PSD3: variants seen among roughly 807,000 people sequenced by gnomAD.
PSD3 encodes PH and SEC7 domain-containing protein 3.
In PSD3, 49 loss-of-function variants were observed where a neutral mutation model predicts 105.5. The ratio of observed to expected loss-of-function variants is 0.46; its 90% CI spans 0.37 to 0.59. PSD3 has a LOEUF of 0.59. Ranked by LOEUF, PSD3 falls within the 20% of genes least tolerant of loss-of-function variation. The pLI, the probability that PSD3 is intolerant of heterozygous loss-of-function variation, is 0.00. For missense variants in PSD3, 1,561 were observed against 1,263.8 expected (o/e 1.24, Z -3.57); for synonymous variants, 557 against 457.8 (o/e 1.22, Z -2.77).
chr8:18,788,095 T>C (rs1417082895), intron 8 of PSD3, among the ~76,000 whole-genome samples: 1 of 152,110 alleles, frequency 6.6e-6, no homozygotes, highest in East Asian at 1.9e-4. Flanking sequence ...TGCCTATGAG[T>C]CATAACTTGT....
At chr8:18,843,293 G>A (rs12550253) in intron 4 of PSD3, among the ~76,000 whole-genome samples, 63,632 of 150,140 alleles carry the variant, frequency 0.42, 13,971 homozygotes, top group Admixed American at 0.51. Flanking sequence ...CCCGGGAGGC[G>A]GAGCTTGCAG....
At chr8:18,842,217 A>G (rs1180491294) in intron 4 of PSD3, among the ~76,000 whole-genome samples, 1 of 152,262 alleles carries the variant, frequency 6.6e-6, no homozygotes, top group African/African-American at 2.4e-5. Flanking sequence ...CCAAAGCCAC[A>G]GCTACTCTAT....
intron 9 of PSD3, among the ~76,000 whole-genome samples, chr8:18,732,043 C>G (rs554524753): frequency 1.3e-5 from 2 of 152,102 alleles, no homozygotes; most frequent in African/African-American, 4.8e-5. Flanking sequence ...TTTTCTGTCT[C>G]TCATATACAA....
chr8:18,537,378 T>C (rs566964261), intron 15 of PSD3, among the ~76,000 whole-genome samples: 3 of 152,210 alleles, frequency 2.0e-5, no homozygotes, highest in Admixed American at 1.3e-4. Flanking sequence ...ATTACCTCCA[T>C]TGATATGAAA....
intron 1 of PSD3, among the ~76,000 whole-genome samples, chr8:18,964,250 A>C (rs1323925472): frequency 2.0e-5 from 3 of 152,094 alleles, no homozygotes; most frequent in African/African-American, 7.2e-5. Context: ...CAGCCATCCC[A>C]GTAGCTGGGA....
chr8:18,625,567 A>C (rs545865716), intron 11 of PSD3, among the ~76,000 whole-genome samples: 1 of 152,342 alleles, frequency 6.6e-6, no homozygotes, highest in East Asian at 1.9e-4. Context: ...ACCTCCAGTT[A>C]TCTAAATACA....
chr8:18,575,199 C>T lies in PSD3; in HGVS notation c.2568G>A (p.Thr856=), dbSNP rs1402682430. ...SVHHALASKA[T]DYEKKPNVFK... ...ACACGTTTGGTTTCTTCTCATAGTCCGTGGCCTTGGATGCCAATGCGTGGT... is the reference window on the plus strand; with the variant it reads ...ACACGTTTGGTTTCTTCTCATAGTCTGTGGCCTTGGATGCCAATGCGTGGT... Residue 856 remains threonine, a synonymous_variant, in exon 13 of 16, where the codon ACG becomes ACA. Coordinates refer to ENST00000327040, the MANE Select transcript of PSD3 (RefSeq NM_015310.4). The T allele has an allele frequency of 5.0e-6, 8 of 1,613,880 alleles. No homozygotes were observed. The highest frequency in any genetic ancestry group is 6.8e-6 in the Non-Finnish European group (8 of 1,179,878).
intron 9 of PSD3, among the ~76,000 whole-genome samples, chr8:18,763,743 G>C (rs78292221): frequency 3.9e-5 from 6 of 152,098 alleles, no homozygotes; most frequent in Non-Finnish European, 8.8e-5. Flanking sequence ...GAAATTTTCA[G>C]TAAAACCCAT....
chr8:18,968,642 C>T (rs533213247), intron 1 of PSD3, among the ~76,000 whole-genome samples: 2 of 152,080 alleles, frequency 1.3e-5, no homozygotes, highest in African/African-American at 2.4e-5. Flanking sequence ...TTTGGGAGAC[C>T]GAGGCAGGCA....
chr8:18,533,997 C>G lies in PSD3; in HGVS notation c.*1746G>C, dbSNP rs1182994235. ...GCAACCCTAGAGAGGGGTAAGCCTT[C>G]TCTGGGCAATAGTCATGGACATTTA... On this transcript the variant is annotated 3_prime_UTR_variant, in exon 16 of 16. Coordinates refer to ENST00000327040, the MANE Select transcript of PSD3 (RefSeq NM_015310.4). 6.6e-6 allele frequency: 1 copy of G among 151,954 alleles called. No individual in the cohort carries two copies. The highest frequency in any genetic ancestry group is 1.5e-5 in the Non-Finnish European group (1 of 67,996). The allele number at this position is 151,954 out of a possible 1,614,324, so 9.4% of individuals were successfully genotyped here.
intron 9 of PSD3, among the ~76,000 whole-genome samples, chr8:18,755,019 T>G (rs141851081): frequency 6.6e-6 from 1 of 152,164 alleles, no homozygotes; most frequent in Non-Finnish European, 1.5e-5. Flanking sequence ...TGACATATCA[T>G]AAGCAAAAAG....
intron 8 of PSD3, among the ~76,000 whole-genome samples, chr8:18,792,266 A>C (rs1809792737): frequency 6.6e-6 from 1 of 152,204 alleles, no homozygotes; most frequent in South Asian, 2.1e-4. Context: ...ACATGCATGC[A>C]TATGTTAATT....
intron 9 of PSD3, among the ~76,000 whole-genome samples, chr8:18,722,746 T>G (rs142104384): frequency 3.1e-4 from 47 of 152,300 alleles, no homozygotes; most frequent in Non-Finnish European, 5.9e-4. Context: ...GCCCTGAGGC[T>G]GCCTCTGACC....
chr8:18,590,756 C>A (rs1359299202), intron 12 of PSD3, among the ~76,000 whole-genome samples: 1 of 152,004 alleles, frequency 6.6e-6, no homozygotes, highest in Non-Finnish European at 1.5e-5. Flanking sequence ...ACAAAAAATA[C>A]TACATGCATT....
chr8:18,739,812 G>T (rs1041620469), intron 9 of PSD3, among the ~76,000 whole-genome samples: 43 of 152,238 alleles, frequency 2.8e-4, no homozygotes, highest in African/African-American at 1.0e-3. Context: ...GAGAACATTT[G>T]AAATTGACCT....
intron 1 of PSD3, among the ~76,000 whole-genome samples, chr8:18,953,144 C>T (rs1343165974): frequency 2.0e-5 from 3 of 152,140 alleles, no homozygotes; most frequent in African/African-American, 7.2e-5. Flanking sequence ...CAGTGAAACA[C>T]AGGTTAAAAC....
intron 2 of PSD3, among the ~76,000 whole-genome samples, chr8:18,873,614 T>A (rs986420201): frequency 4.6e-5 from 7 of 152,188 alleles, no homozygotes; most frequent in African/African-American, 1.7e-4. Flanking sequence ...TCTAGCAATT[T>A]TCAAGTATAC....
rs1042535123 is a variant in PSD3 at position 18,991,827 on chromosome 8, T to C, written c.21+21736A>G. 3.3e-5 allele frequency among the ~76,000 whole-genome samples: 5 copies of C among 152,300 alleles called. No homozygotes were observed. In the East Asian group the frequency reaches 9.6e-4, roughly 29 times the overall value. ...GTTTAAAATCCCCTTGACTAAATTA[T>C]CAAAATAATGGCTGTGCTTTTATTG... On this transcript the variant is annotated intron_variant, in intron 1 of 15. Coordinates refer to ENST00000327040, the MANE Select transcript of PSD3 (RefSeq NM_015310.4).
In PSD3 at chr8:19,025,134, G is replaced by C. The variant is rs138944798; in HGVS notation, c.324+59072C>G. Among the ~76,000 whole-genome samples, 214 of 152,186 alleles carry C rather than the reference G, an allele frequency of 1.4e-3. 1 individual carries two copies. Among genetic ancestry groups the C allele is most frequent in the African/African-American group, 4.9e-3 (204 of 41,542 alleles). On this transcript the variant is annotated intron_variant, in intron 1 of 1. Transcript: ENST00000521475. Reference sequence around the variant, plus strand: ...GGGCCAAGTTGACTAAGACCAACCAGACTCAACATGGTGCTGGATTTGGCG... The same window carrying C: ...GGGCCAAGTTGACTAAGACCAACCACACTCAACATGGTGCTGGATTTGGCG...
Sources: allele counts gnomAD v4.1 joint callset (sites outside exome capture counted in the v4.1 genomes callset), GRCh38; gene constraint gnomAD v4.1.1; transcripts MANE v1.5; gene names NCBI Gene and HGNC (gene_info 2026-07-23, HGNC 2026-07-21).